PUDP: variants seen among roughly 807,000 people sequenced by gnomAD.
PUDP encodes pseudouridine-5'-phosphatase.
PUDP carries 8 observed loss-of-function variants against 9.4 expected under a neutral mutation model. The ratio of observed to expected loss-of-function variants is 0.85; its 90% confidence interval spans 0.50 to 1.53. The LOEUF is 1.53. Among genes scored for constraint, PUDP ranks in the 40% most tolerant of loss-of-function variants. The probability of loss-of-function intolerance (pLI) is 0.00; values close to 1 mark genes in which losing one functional copy is unlikely to be tolerated. For synonymous variants in PUDP, 99 were observed against 80.7 expected (o/e 1.23, Z -1.22); for missense variants, 188 against 189.7 (o/e 0.99, Z 0.05).
intron 3 of PUDP, among the ~76,000 whole-genome samples, chrX:6,823,447 C>T (rs760924826): frequency 9.0e-6 from 1 of 111,408 alleles, no homozygotes; most frequent in Non-Finnish European, 1.9e-5. Context: ...AAATATTTAC[C>T]ATCTCTTCTC....
chrX:6,797,539 G>C (rs1354798232), intron 3 of PUDP, among the ~76,000 whole-genome samples: 2 of 111,483 alleles, frequency 1.8e-5, no homozygotes, highest in East Asian at 2.8e-4. Context: ...CAGCTCTATG[G>C]AGAAGGCTGC....
At chrX:6,866,257 G>GTTT (rs201396229) in intron 3 of PUDP, among the ~76,000 whole-genome samples, 1 of 100,446 alleles carries the variant, frequency 1.0e-5, no homozygotes, top group African/African-American at 3.6e-5. Flanking sequence ...AAAATTTATG[G>GTTT]TTTTTTTTTT....
intron 3 of PUDP, among the ~76,000 whole-genome samples, chrX:6,812,349 C>A (rs929854830): frequency 1.8e-5 from 2 of 111,740 alleles, no homozygotes; most frequent in Non-Finnish European, 3.8e-5. Flanking sequence ...CCCTTCAAAT[C>A]TTAAGTGACT....
At chrX:6,849,603 C>T (rs1261400286) in intron 3 of PUDP, among the ~76,000 whole-genome samples, 1 of 111,588 alleles carries the variant, frequency 9.0e-6, no homozygotes, top group Non-Finnish European at 1.9e-5. Context: ...AAATGTTATA[C>T]ATATGCATTT....
intron 3 of PUDP, among the ~76,000 whole-genome samples, chrX:6,762,961 T>C (rs914087048): frequency 2.7e-5 from 3 of 112,605 alleles, no homozygotes; most frequent in Non-Finnish European, 5.6e-5. Flanking sequence ...CCAGGTGAAA[T>C]AGCGTTTGAA....
Position 7,094,388 on chromosome X carries a change from G to A in PUDP, c.280+11232C>T, listed in dbSNP as rs191126529. Among the ~76,000 whole-genome samples the A allele has an allele frequency of 7.6e-4, 69 of 90,774 alleles. No individual in the cohort carries two copies. In the East Asian group the frequency reaches 0.021, roughly 27 times the overall value. 78.8% of individuals were successfully genotyped at this position (90,774 alleles called of 115,157 possible). A position where few individuals can be genotyped will look rare whatever the true frequency, so the allele number is the denominator to read the frequency against. On this transcript the variant is annotated intron_variant, in intron 2 of 3. Transcript: ENST00000381077. ...TTTTTTTTTTTTGAGACGGAGTCTC[G>A]CTCCATTGCCCAGGCTGGAGTGCAG...
intron 3 of PUDP, among the ~76,000 whole-genome samples, chrX:6,799,005 G>A: frequency 9.0e-6 from 1 of 111,427 alleles, no homozygotes; most frequent in East Asian, 2.8e-4. Flanking sequence ...GGCTGGCCTG[G>A]AACTCCCAGT....
intron 1 of PUDP, among the ~76,000 whole-genome samples, chrX:7,107,639 C>T (rs1380452296): frequency 8.9e-6 from 1 of 112,093 alleles, no homozygotes; most frequent in East Asian, 2.8e-4. Flanking sequence ...CCAGCCTGGG[C>T]AACATGGCAA....
At chrX:7,126,130 C>G (rs1027572934) in intron 1 of PUDP, among the ~76,000 whole-genome samples, 2 of 112,186 alleles carry the variant, frequency 1.8e-5, no homozygotes, top group African/African-American at 6.5e-5. Flanking sequence ...CAGCAATACA[C>G]AGTACAAAGT....
chrX:7,125,268 C>T (rs960395373), intron 1 of PUDP, among the ~76,000 whole-genome samples: 3 of 111,039 alleles, frequency 2.7e-5, no homozygotes, highest in Admixed American at 1.9e-4. Flanking sequence ...ATTTTTTTTC[C>T]CATTTCCTAT....
chrX:7,068,078 T>C (rs1930621422), intron 3 of PUDP, among the ~76,000 whole-genome samples: 1 of 111,873 alleles, frequency 8.9e-6, no homozygotes, highest in Non-Finnish European at 1.9e-5. Flanking sequence ...GTTTTGGGTA[T>C]GTCTTTATTA....
intron 3 of PUDP, among the ~76,000 whole-genome samples, chrX:6,930,955 C>CAA (rs775801816): frequency 1.2e-5 from 1 of 85,911 alleles, no homozygotes. Context: ...CATCCTTATA[C>CAA]AAAAAAAAAA....
intron 1 of PUDP, among the ~76,000 whole-genome samples, chrX:7,019,529 G>A (rs181966161): frequency 8.6e-4 from 96 of 111,593 alleles, no homozygotes; most frequent in African/African-American, 3.0e-3. Flanking sequence ...GATGGACAGA[G>A]AGTCTGACAT....
chrX:6,708,983 A>G lies in PUDP; in HGVS notation n.129-2517T>C, dbSNP rs1746905055. Among the ~76,000 whole-genome samples, 2 of 112,169 alleles carry G rather than the reference A, an allele frequency of 1.8e-5. 1 individual carries two copies. The highest frequency in any genetic ancestry group is 7.5e-4 in the South Asian group (2 of 2,669). On this transcript the variant is annotated intron_variant and non_coding_transcript_variant, in intron 1 of 2. Coordinates refer to the PUDP transcript ENST00000438499. Reference sequence around the variant, plus strand: ...CTGTGCTCACAGGTATATATATTGAACACACTTCTAAGCAAGACAGTGCAT... The same window carrying G: ...CTGTGCTCACAGGTATATATATTGAGCACACTTCTAAGCAAGACAGTGCAT...
intron 3 of PUDP, among the ~76,000 whole-genome samples, chrX:6,804,802 G>C (rs1402650544): frequency 8.9e-6 from 1 of 111,869 alleles, no homozygotes; most frequent in Non-Finnish European, 1.9e-5. Flanking sequence ...AGTAGACAGA[G>C]CCAAACTGAA....
intron 3 of PUDP, among the ~76,000 whole-genome samples, chrX:6,955,057 C>A (rs1928607458): frequency 8.9e-6 from 1 of 111,752 alleles, no homozygotes; most frequent in African/African-American, 3.3e-5. Context: ...ATGCAGTGAC[C>A]CAAGGCTATC....
chrX:7,052,526 C>G (rs1930132191), intron 3 of PUDP, among the ~76,000 whole-genome samples: 1 of 112,227 alleles, frequency 8.9e-6, no homozygotes, highest in Non-Finnish European at 1.9e-5. Flanking sequence ...TACTAGTGGT[C>G]TGTGCTGTAG....
chrX:7,096,972 C>A (rs1251210754), intron 2 of PUDP, among the ~76,000 whole-genome samples: 1 of 111,385 alleles, frequency 9.0e-6, no homozygotes, highest in Non-Finnish European at 1.9e-5. Context: ...ATGAGACACA[C>A]TGGAAAGGAA....
chrX:6,744,913 T>C (rs776594272), intron 3 of PUDP, among the ~76,000 whole-genome samples: 26 of 111,943 alleles, frequency 2.3e-4, no homozygotes, highest in Non-Finnish European at 3.6e-4. Context: ...ATATTAATCA[T>C]CATAATAAAT....
Sources: gnomAD v4.1 joint callset for allele counts (sites outside exome capture counted in the v4.1 genomes callset) on GRCh38, gnomAD v4.1.1 for gene constraint, MANE v1.5 for transcripts, NCBI Gene and HGNC (gene_info 2026-07-23, HGNC 2026-07-21) for gene names.